The following GABRG1 variants were observed in gnomAD, a reference collection of about 807,000 sequenced individuals.
GABRG1 encodes gamma-aminobutyric acid type A receptor subunit gamma1.
A neutral mutation model predicts 49.8 loss-of-function variants in GABRG1; 49 were observed. The observed-to-expected ratio is 0.98, with a 90% CI of 0.78 to 1.25. The LOEUF is 1.25. Ranked by LOEUF, GABRG1 falls within the 50% of genes most tolerant of loss-of-function variation. The probability of loss-of-function intolerance (pLI) is 0.00; values close to 1 mark genes in which losing one functional copy is unlikely to be tolerated. For synonymous variants in GABRG1, 232 were observed against 185.1 expected (o/e 1.25, Z -2.06); for missense variants, 552 against 552.3 (o/e 1.00, Z 0.01).
chr4:46,090,289 A>C (rs1719931545), intron 2 of GABRG1, among the ~76,000 whole-genome samples: 1 of 152,188 alleles, frequency 6.6e-6, no homozygotes, highest in South Asian at 2.1e-4. Context: ...TGCTATCACA[A>C]TTGTATATAA....
chr4:46,067,307 C>G (rs1459892746), intron 3 of GABRG1, among the ~76,000 whole-genome samples: 2 of 151,940 alleles, frequency 1.3e-5, no homozygotes, highest in African/African-American at 4.8e-5. Flanking sequence ...TCTGGAAAAG[C>G]ATATACATAA....
At chr4:46,078,930 C>G (rs991134344) in intron 3 of GABRG1, among the ~76,000 whole-genome samples, 1 of 151,774 alleles carries the variant, frequency 6.6e-6, no homozygotes, top group Non-Finnish European at 1.5e-5. Flanking sequence ...CATAGCCTAT[C>G]TACATTAAGG....
At position 46,097,216 on chromosome 4, in the gene GABRG1, G is replaced by C; in HGVS notation, c.238C>G (p.Arg80Gly). 1 of 1,607,498 alleles carries C rather than the reference G, an allele frequency of 6.2e-7. No individual in the cohort carries two copies. ...TCAAGCTTACCTCCTATATCTGGACGAAGTTTATTGTCATAGCCTTGAAGC... is the reference window on the plus strand; with the variant it reads ...TCAAGCTTACCTCCTATATCTGGACCAAGTTTATTGTCATAGCCTTGAAGC... ...SLLQGYDNKL[R>G]PDIGVRPTVI... The change falls in exon 2 of 9, where the codon CGT becomes GGT. Residue 80 changes from arginine to glycine, a missense_variant. By Grantham distance (125) the Arg-to-Gly change is moderately radical. Coordinates refer to ENST00000295452, the MANE Select transcript of GABRG1 (RefSeq NM_173536.4).
rs1366077792 is a variant in GABRG1, at chr4:46,036,046, T to C, written c.*4942A>G. The C allele has an allele frequency of 6.6e-6, 1 of 152,000 alleles. No individual in the cohort carries two copies. The highest frequency in any genetic ancestry group is 1.5e-5 in the Non-Finnish European group (1 of 67,884). The allele number at this position is 152,000 out of a possible 1,614,324, so 9.4% of individuals were successfully genotyped here. A position where few individuals can be genotyped will look rare whatever the true frequency, so the allele number is the denominator to read the frequency against. On this transcript the variant is annotated 3_prime_UTR_variant, in exon 9 of 9. Coordinates refer to ENST00000295452, the MANE Select transcript of GABRG1 (RefSeq NM_173536.4). ...AAACTATTTCCATTTAGGTAAATCA[T>C]GTCTCAAAAGTCTTCTAATTAGCCC...
At chr4:46,097,388 C>A in intron 1 of GABRG1, 39 bp from the exon 2 acceptor site, 1 of 1,558,684 alleles carries the variant, frequency 6.4e-7, no homozygotes. Context: ...GTAGAAGGTT[C>A]AATCAAATCA....
rs1351582440 is a variant in GABRG1 at position 46,040,700 on chromosome 4, A to C, written c.*288T>G. 1 of 203,926 alleles carries C rather than the reference A, an allele frequency of 4.9e-6. No homozygotes were observed. 12.6% of individuals were successfully genotyped at this position (203,926 alleles called of 1,614,324 possible). A position where few individuals can be genotyped will look rare whatever the true frequency, so the allele number is the denominator to read the frequency against. On this transcript the variant is annotated 3_prime_UTR_variant, in exon 9 of 9. Transcript: ENST00000295452. ...CCATCTTTAAAACATGAATCATAGAACTTAAAAATTCAAAATTATAATAAC... is the reference window on the plus strand; with the variant it reads ...CCATCTTTAAAACATGAATCATAGACCTTAAAAATTCAAAATTATAATAAC...
At chr4:46,066,461 A>G (rs1436581798) in intron 3 of GABRG1, among the ~76,000 whole-genome samples, 8 of 152,216 alleles carry the variant, frequency 5.3e-5, no homozygotes, top group South Asian at 2.1e-4. Flanking sequence ...ATGTACTACT[A>G]TAATCATTAT....
chr4:46,077,611 TCA>T (rs1560361404), intron 3 of GABRG1, among the ~76,000 whole-genome samples: 1 of 151,952 alleles, frequency 6.6e-6, no homozygotes, highest in African/African-American at 2.4e-5. Context: ...AGGTATAACT[TCA>T]CACACAGAAT....
intron 8 of GABRG1, among the ~76,000 whole-genome samples, chr4:46,045,017 C>A (rs1497570): frequency 0.51 from 76,806 of 151,900 alleles, 20,011 homozygotes; most frequent in African/African-American, 0.63. Context: ...AAAGTAAAAT[C>A]CGATGGTTGC....
rs1717715755 is a variant in GABRG1, at chr4:46,040,254, G to A, written c.*734C>T. On this transcript the variant is annotated 3_prime_UTR_variant, in exon 9 of 9. Transcript: ENST00000295452. ...ATGCTATGAAGCAGAGAATAAAATG[G>A]TTAGATTTTACCTGATTTTTTCATC... 6.6e-6 allele frequency: 1 copy of A among 151,824 alleles called. No individual in the cohort carries two copies. Among genetic ancestry groups the A allele is most frequent in the Admixed American group, 6.6e-5 (1 of 15,176 alleles). The allele number at this position is 151,824 out of a possible 1,614,324, so 9.4% of individuals were successfully genotyped here. A position where few individuals can be genotyped will look rare whatever the true frequency, so the allele number is the denominator to read the frequency against.
chr4:46,076,700 A>G (rs1417082935), intron 3 of GABRG1, among the ~76,000 whole-genome samples: 1 of 151,690 alleles, frequency 6.6e-6, no homozygotes, highest in Non-Finnish European at 1.5e-5. Context: ...CAGAATTACC[A>G]AGCAGTACAT....
At chr4:46,042,592 A>G (rs2109391544) in intron 8 of GABRG1, among the ~76,000 whole-genome samples, 1 of 152,124 alleles carries the variant, frequency 6.6e-6, no homozygotes, top group African/African-American at 2.4e-5. Context: ...GAAATAGGTC[A>G]ACAAAATTAA....
At chr4:46,120,251 A>AT (rs1721055076) in intron 1 of GABRG1, among the ~76,000 whole-genome samples, 1 of 151,214 alleles carries the variant, frequency 6.6e-6, no homozygotes, top group Non-Finnish European at 1.5e-5. Flanking sequence ...TTTGGTAATC[A>AT]TTTTCTCAGT....
intron 1 of GABRG1, among the ~76,000 whole-genome samples, chr4:46,113,109 G>C (rs1171834381): frequency 6.6e-6 from 1 of 151,008 alleles, no homozygotes; most frequent in Non-Finnish European, 1.5e-5. Flanking sequence ...ATCACTATTT[G>C]CTCTTCTATC....
chr4:46,095,286 T>C (rs1360256266), intron 2 of GABRG1, among the ~76,000 whole-genome samples: 1 of 151,588 alleles, frequency 6.6e-6, no homozygotes, highest in East Asian at 1.9e-4. Context: ...ATACCTATAG[T>C]GGGAATTCGT....
chr4:46,041,260 C>T lies in GABRG1; in HGVS notation c.1132-6G>A. On this transcript the variant is annotated splice_polypyrimidine_tract_variant and splice_region_variant and intron_variant, in intron 8 of 8. Coordinates refer to ENST00000295452, the MANE Select transcript of GABRG1 (RefSeq NM_173536.4). ...GGATGGAGACCAGGAGTCATCTGAGCACAATAATAAATGAATTTTTGACAT... is the reference window on the plus strand; with the variant it reads ...GGATGGAGACCAGGAGTCATCTGAGTACAATAATAAATGAATTTTTGACAT... 1 of 1,608,490 alleles carries T rather than the reference C, an allele frequency of 6.2e-7. No homozygotes were observed. Among genetic ancestry groups the T allele is most frequent in the Non-Finnish European group, 8.5e-7 (1 of 1,176,924 alleles).
At chr4:46,101,243 C>T (rs966023389) in intron 1 of GABRG1, among the ~76,000 whole-genome samples, 1 of 151,006 alleles carries the variant, frequency 6.6e-6, no homozygotes, top group African/African-American at 2.4e-5. Flanking sequence ...AAACAATAGA[C>T]CCAGAATTTA....
intron 1 of GABRG1, among the ~76,000 whole-genome samples, chr4:46,117,920 C>A (rs36169682): frequency 0.13 from 13 of 98 alleles, no homozygotes; most frequent in African/African-American, 0.3. Flanking sequence ...ACATGTGTAT[C>A]TATATACATA....
At chr4:46,042,302 A>G (rs1717817348) in intron 8 of GABRG1, among the ~76,000 whole-genome samples, 1 of 152,000 alleles carries the variant, frequency 6.6e-6, no homozygotes. Context: ...AACAACAACA[A>G]AGTCCTAGAC....
Sources: allele counts gnomAD v4.1 joint callset (sites outside exome capture counted in the v4.1 genomes callset), GRCh38; gene constraint gnomAD v4.1.1; transcripts MANE v1.5; gene names NCBI Gene and HGNC (gene_info 2026-07-23, HGNC 2026-07-21).